ZNF540: variants seen among roughly 807,000 people sequenced by gnomAD.
ZNF540 encodes the protein zinc finger protein 540.
A neutral mutation model predicts 11.8 loss-of-function variants in ZNF540; 3 were observed. That is an observed-to-expected ratio of 0.25 (90% CI 0.12 to 0.65). The LOEUF (loss-of-function observed/expected upper bound fraction) is 0.65. ZNF540 is among the 30% of genes least tolerant of loss of function. ZNF540 has a pLI of 0.83. For synonymous variants in ZNF540, 247 were observed against 259.0 expected (o/e 0.95, Z 0.45); for missense variants, 709 against 793.1 (o/e 0.89, Z 1.27).
rs1378256877 is a variant in ZNF540 at position 37,611,846 on chromosome 19, G to A, written c.566G>A (p.Cys189Tyr). ...GKIDSDVKHD[C>Y]KECGSTFNNV... is the part of the protein sequence containing the mutation. ...ATAGATTCTGATGTGAAACATGATTGTAAAGAATGTGGGAGTACTTTTAAT... is the reference window on the plus strand; with the variant it reads ...ATAGATTCTGATGTGAAACATGATTATAAAGAATGTGGGAGTACTTTTAAT... Residue 189 changes from cysteine (C) to tyrosine (Y), a missense_variant, in exon 5 of 5, where the codon TGT (cysteine) becomes TAT (tyrosine). Transcript: ENST00000316433. The A allele has an allele frequency of 2.5e-6, 4 of 1,613,844 alleles. No individual in the cohort carries two copies. The highest frequency in any genetic ancestry group is 3.3e-4 in the Middle Eastern group (2 of 6,054).
intron 1 of ZNF540, chr19:37,565,397 A>G: frequency 1.2e-6 from 2 of 1,613,758 alleles, no homozygotes; most frequent in Non-Finnish European, 1.7e-6. Context: ...GGCACATAAA[A>G]AGGCTTTCCC....
At chr19:37,589,123 C>A (rs187823963) in intron 1 of ZNF540, among the ~76,000 whole-genome samples, 2 of 150,578 alleles carry the variant, frequency 1.3e-5, no homozygotes, top group Non-Finnish European at 1.5e-5. Flanking sequence ...TCGTTTGAAC[C>A]CAGTAGGCGG....
At position 37,606,675 on chromosome 19, in the gene ZNF540, A is replaced by G. The variant is rs138667900; in HGVS notation, c.233-4838A>G. Among the ~76,000 whole-genome samples the G allele has an allele frequency of 4.0e-3, 603 of 152,274 alleles. 6 individuals carry two copies. The highest frequency in any genetic ancestry group is 0.014 in the African/African-American group (569 of 41,552). ...GATGTTGAGCAATTGCTTATTAGCT[A>G]TTGGTACATCTTTGGTGGAAAGACT... On this transcript the variant is annotated intron_variant, in intron 4 of 4. Coordinates refer to ENST00000316433, the MANE Select transcript of ZNF540 (RefSeq NM_001172225.3).
chr19:37,592,030 G>A (rs1308794125), upstream of ZNF540, among the ~76,000 whole-genome samples: 7 of 152,006 alleles, frequency 4.6e-5, no homozygotes, highest in Admixed American at 4.6e-4. Flanking sequence ...AGCTGAGGTG[G>A]GTGGATTACT....
intron 1 of ZNF540, among the ~76,000 whole-genome samples, chr19:37,588,099 C>CAAAAAAAAA (rs58516591): frequency 2.2e-4 from 10 of 45,746 alleles, no homozygotes; most frequent in South Asian, 1.3e-3. Flanking sequence ...GACTCCATCT[C>CAAAAAAAAA]AAAAAAAAAA....
rs747688968 is a variant in ZNF540, at chr19:37,612,735, T to G, written c.1455T>G (p.His485Gln). The G allele has an allele frequency of 1.3e-4, 202 of 1,613,934 alleles. 1 individual carries two copies. Among genetic ancestry groups the G allele is most frequent in the Non-Finnish European group, 1.7e-4 (202 of 1,179,996 alleles). The change falls in exon 5 of 5, where the codon CAT (histidine) becomes CAG (glutamine). Residue 485 changes from histidine (H) to glutamine (Q), a missense_variant. Coordinates refer to ENST00000316433, the MANE Select transcript of ZNF540 (RefSeq NM_001172225.3). ...TFRVRSQISL[H>Q]KKIHTDVKPY... Reference sequence around the variant, plus strand: ...GAGTTCGTTCTCAAATTAGTCTACATAAGAAAATTCATACTGATGTGAAGC... The same window carrying G: ...GAGTTCGTTCTCAAATTAGTCTACAGAAGAAAATTCATACTGATGTGAAGC...
At chr19:37,593,556 A>T (rs542544510), upstream of ZNF540, among the ~76,000 whole-genome samples, 2 of 152,176 alleles carry the variant, frequency 1.3e-5, no homozygotes, top group South Asian at 4.1e-4. Context: ...ACAAAAAATT[A>T]GCCGGGCATG....
At chr19:37,558,379 G>A (rs1466238110) in intron 1 of ZNF540, among the ~76,000 whole-genome samples, 1 of 152,086 alleles carries the variant, frequency 6.6e-6, no homozygotes, top group African/African-American at 2.4e-5. Context: ...GCCAAATTAA[G>A]AGCATGGCTA....
At chr19:37,596,305 ATT>A (rs1287303286) in intron 1 of ZNF540, among the ~76,000 whole-genome samples, 1 of 152,038 alleles carries the variant, frequency 6.6e-6, no homozygotes, top group Non-Finnish European at 1.5e-5. Context: ...CAGATACTGT[ATT>A]TGTTTGTTTT....
intron 1 of ZNF540, chr19:37,564,972 C>T (rs2042796098): frequency 6.2e-7 from 1 of 1,613,282 alleles, no homozygotes; most frequent in African/African-American, 1.3e-5. Flanking sequence ...AGTTGTGTAG[C>T]ACGTACAAAG....
At chr19:37,572,643 A>G (rs748427961) in intron 1 of ZNF540, among the ~76,000 whole-genome samples, 5 of 152,222 alleles carry the variant, frequency 3.3e-5, no homozygotes, top group Non-Finnish European at 7.3e-5. Flanking sequence ...CTAAGAAAGT[A>G]TGCAAGAACT....
intron 4 of ZNF540, 161 bp downstream of exon 4, chr19:37,601,266 G>A (rs757107589): frequency 3.5e-5 from 18 of 507,784 alleles, no homozygotes; most frequent in East Asian, 6.5e-5. Context: ...CAGATCATCT[G>A]AGCATGAACT....
intron 4 of ZNF540, among the ~76,000 whole-genome samples, chr19:37,603,307 A>G (rs956449566): frequency 2.6e-5 from 4 of 152,088 alleles, no homozygotes; most frequent in African/African-American, 4.8e-5. Context: ...CCAGGAGTCT[A>G]TTTCAAGATG....
intron 1 of ZNF540, among the ~76,000 whole-genome samples, chr19:37,577,446 G>A (rs1004268637): frequency 2.6e-5 from 4 of 152,096 alleles, no homozygotes; most frequent in Non-Finnish European, 4.4e-5. Flanking sequence ...TAAAGTATAG[G>A]AGAAGGGAAT....
rs768609507 is a variant in ZNF540, at chr19:37,599,605, T to C, written c.10-21T>C. The C allele has an allele frequency of 2.5e-6, 4 of 1,613,696 alleles. No individual in the cohort carries two copies. In the Admixed American group the frequency reaches 6.7e-5, roughly 27 times the overall value. On this transcript the variant is annotated intron_variant, in intron 2 of 4. Transcript: ENST00000316433. ...ACTTGTTCTGTAATTTCACCAGTAATATGTTGGTTTATGGTTTCAGGCATT... is the reference window on the plus strand; with the variant it reads ...ACTTGTTCTGTAATTTCACCAGTAACATGTTGGTTTATGGTTTCAGGCATT...
At position 37,612,536 on chromosome 19, in the gene ZNF540, CT is replaced by C; in HGVS notation, c.1260del (p.Phe420LeufsTer45). The C allele has an allele frequency of 1.2e-6, 2 of 1,614,070 alleles. No homozygotes were observed. The highest frequency in any genetic ancestry group is 1.7e-6 in the Non-Finnish European group (2 of 1,179,988). On this transcript the variant is annotated frameshift_variant, in exon 5 of 5. Transcript: ENST00000316433. LOFTEE classifies it low-confidence loss of function (END_TRUNC). Reference sequence around the variant, plus strand: ...TTTGCATGTAAGGTGTGTGAGAAGGCTTTTAGTTATAGTGGTGACCTCAGAG... The same window carrying C: ...TTTGCATGTAAGGTGTGTGAGAAGGCTTTAGTTATAGTGGTGACCTCAGAG... The part of the protein sequence containing the change: ...KPFACKVCEK[A>X]FSYSGDLRVH...
intron 1 of ZNF540, among the ~76,000 whole-genome samples, chr19:37,580,874 G>A (rs926512481): frequency 2.6e-5 from 4 of 152,138 alleles, no homozygotes; most frequent in Non-Finnish European, 5.9e-5. Flanking sequence ...CCTCTTGTCT[G>A]TATAAATTAC....
At chr19:37,609,340 G>C (rs369462588) in intron 4 of ZNF540, among the ~76,000 whole-genome samples, 2 of 152,152 alleles carry the variant, frequency 1.3e-5, no homozygotes, top group South Asian at 2.1e-4. Flanking sequence ...TCAGGGGTTT[G>C]AGACCAGCCT....
At chr19:37,578,271 C>G (rs1436309322) in intron 1 of ZNF540, among the ~76,000 whole-genome samples, 1 of 152,168 alleles carries the variant, frequency 6.6e-6, no homozygotes, top group Non-Finnish European at 1.5e-5. Flanking sequence ...CGCCAGGGAA[C>G]TCACAGAGAA....
Sources: gnomAD v4.1 joint callset for allele counts (sites outside exome capture counted in the v4.1 genomes callset) on GRCh38, gnomAD v4.1.1 for gene constraint, MANE v1.5 for transcripts, NCBI Gene and HGNC (gene_info 2026-07-23, HGNC 2026-07-21) for gene names.